UTRN: variants seen among roughly 807,000 people sequenced by gnomAD.
The protein encoded by UTRN is dystrophin-related protein 1.
In UTRN, 283 loss-of-function variants were observed where a neutral mutation model predicts 463.9. The ratio of observed to expected loss-of-function variants is 0.61; its 90% CI spans 0.55 to 0.67. The LOEUF (loss-of-function observed/expected upper bound fraction) is 0.67, where lower values mean the gene tolerates loss of function less well. UTRN is among the 30% of genes least tolerant of loss of function. The pLI is 0.00. For synonymous variants in UTRN, 1,442 were observed against 1,431.5 expected, an observed-to-expected ratio of 1.01 and a Z score of -0.17; for missense variants, 3,922 against 4,084.3, an observed-to-expected ratio of 0.96 and a Z score of 1.08.
chr6:144,565,760 G>A (rs1800348281), intron 50 of UTRN, among the ~76,000 whole-genome samples: 1 of 152,148 alleles, frequency 6.6e-6, no homozygotes, highest in African/African-American at 2.4e-5. Context: ...TTTGGAAAGA[G>A]CAATTTGGAG....
chr6:144,352,448 G>C (rs562969016), intron 2 of UTRN, among the ~76,000 whole-genome samples: 1 of 152,296 alleles, frequency 6.6e-6, no homozygotes, highest in Non-Finnish European at 1.5e-5. Context: ...GGTATTTAAA[G>C]AGGGAGGTTA....
intron 56 of UTRN, 54 bp from the exon 57 acceptor site, chr6:144,754,666 G>C: frequency 1.3e-6 from 2 of 1,563,980 alleles, no homozygotes; most frequent in Non-Finnish European, 1.7e-6. Flanking sequence ...TATTATTAAA[G>C]TTATTGTTTC....
At position 144,298,968 on chromosome 6, in the gene UTRN, A is replaced by G. The variant is rs918628872; in HGVS notation, c.79+7061A>G. Among the ~76,000 whole-genome samples, 7 of 152,212 alleles carry G rather than the reference A, an allele frequency of 4.6e-5. 1 individual carries two copies. Among genetic ancestry groups the G allele is most frequent in the Non-Finnish European group, 8.8e-5 (6 of 68,026 alleles). ...TCCATTCTCTAATTAAGATTTTGGT[A>G]TACAATATTTATATGCAAAAGATTT... On this transcript the variant is annotated intron_variant, in intron 2 of 74. Coordinates refer to ENST00000367545, the MANE Select transcript of UTRN (RefSeq NM_007124.3).
chr6:144,483,231 A>G (rs1792072119), intron 27 of UTRN, among the ~76,000 whole-genome samples: 8 of 152,172 alleles, frequency 5.3e-5, no homozygotes, highest in Admixed American at 5.2e-4. Context: ...AATATATATC[A>G]TTGAGGCAAG....
intron 2 of UTRN, among the ~76,000 whole-genome samples, chr6:144,310,657 A>T (rs112945119): frequency 0.019 from 2,884 of 151,992 alleles, 106 homozygotes; most frequent in African/African-American, 0.065. Context: ...GCGTGCCTGT[A>T]ATCCCAACTA....
At chr6:144,403,321 T>G in intron 3 of UTRN, 137 bp downstream of exon 3, 1 of 722,830 alleles carries the variant, frequency 1.4e-6, no homozygotes, top group Non-Finnish European at 2.4e-6. Context: ...ACATTTGTTG[T>G]TCCTTTATTC....
chr6:144,467,283 CTAGA>C (rs768108598), intron 23 of UTRN, among the ~76,000 whole-genome samples: 4 of 152,220 alleles, frequency 2.6e-5, no homozygotes, highest in Non-Finnish European at 5.9e-5. Context: ...ACACCCATAG[CTAGA>C]TAATCGTTCC....
chr6:144,792,674 A>T (rs909230024), intron 62 of UTRN, among the ~76,000 whole-genome samples: 8 of 152,264 alleles, frequency 5.3e-5, no homozygotes, highest in African/African-American at 1.9e-4. Flanking sequence ...TCACATGAAG[A>T]GCATTTAGAT....
chr6:144,395,242 C>G (rs954703741), intron 2 of UTRN, among the ~76,000 whole-genome samples: 2 of 152,050 alleles, frequency 1.3e-5, no homozygotes, highest in East Asian at 3.9e-4. Context: ...CCTCCTTGTT[C>G]TATGACATTT....
At chr6:144,778,054 C>T (rs1562897216) in intron 60 of UTRN, among the ~76,000 whole-genome samples, 1 of 152,180 alleles carries the variant, frequency 6.6e-6, no homozygotes, top group East Asian at 1.9e-4. Flanking sequence ...AGCCATGAGG[C>T]ATTTTCTGTA....
intron 51 of UTRN, among the ~76,000 whole-genome samples, chr6:144,631,647 A>G (rs1776537062): frequency 6.6e-6 from 1 of 152,202 alleles, no homozygotes; most frequent in South Asian, 2.1e-4. Context: ...TCATTTCAAA[A>G]GAGCGTAGAA....
intron 1 of UTRN, among the ~76,000 whole-genome samples, chr6:144,290,490 A>G (rs1220912028): frequency 6.6e-6 from 1 of 152,184 alleles, no homozygotes; most frequent in African/African-American, 2.4e-5. Flanking sequence ...TATTGTGTAG[A>G]TGATGTGGTG....
At chr6:144,429,938 T>A (rs1382017723) in intron 9 of UTRN, among the ~76,000 whole-genome samples, 197 bp downstream of exon 9, 1 of 152,174 alleles carries the variant, frequency 6.6e-6, no homozygotes, top group Non-Finnish European at 1.5e-5. Flanking sequence ...CTCAATGGAC[T>A]TTATTAAGAA....
At chr6:144,484,586 G>A (rs953021755) in intron 27 of UTRN, among the ~76,000 whole-genome samples, 3 of 151,580 alleles carry the variant, frequency 2.0e-5, no homozygotes, top group Admixed American at 2.0e-4. Flanking sequence ...GGGATTACAG[G>A]TGCCTGCCAC....
intron 58 of UTRN, among the ~76,000 whole-genome samples, chr6:144,764,960 A>G (rs1351857005): frequency 1.3e-5 from 2 of 149,908 alleles, no homozygotes; most frequent in Non-Finnish European, 3.0e-5. Flanking sequence ...AAGGCTCCCC[A>G]GGGCCAATGC....
Position 144,554,768 on chromosome 6 carries a change from G to T in UTRN, c.7009G>T (p.Asp2337Tyr), listed in dbSNP as rs1799232261. 1 of 1,613,970 alleles carries T rather than the reference G, an allele frequency of 6.2e-7. No individual in the cohort carries two copies. Among genetic ancestry groups the T allele is most frequent in the African/African-American group, 1.3e-5 (1 of 75,000 alleles). ...RQQQLEDMII[D>Y]SLQWDDHREE... ...GCAGCAGCTTGAGGACATGATTATT[G>T]ACAGTCTTCAGTGGGATGACCATAG... The change falls in exon 49 of 75, where the codon GAC (aspartate) becomes TAC (tyrosine). Residue 2337 changes from aspartate to tyrosine, a missense_variant. Asp to Tyr is a radical substitution (Grantham distance 160). This residue lies in a region of UTRN where 1,309 missense variants were observed against 1,452.6 expected (regional missense o/e 0.90). Transcript: ENST00000367545.
At position 144,852,381 on chromosome 6, in the gene UTRN, GT is replaced by G. The variant is rs1221873548; in HGVS notation, c.*1388del. ...AACCAAAAAAAGGTGAAAATAATATGTTTTGATTCAAACCTAAAGACATAAA... is the reference window on the plus strand; with the variant it reads ...AACCAAAAAAAGGTGAAAATAATATGTTTGATTCAAACCTAAAGACATAAA... On this transcript the variant is annotated 3_prime_UTR_variant, in exon 75 of 75. Coordinates refer to ENST00000367545, the MANE Select transcript of UTRN (RefSeq NM_007124.3). 6.6e-6 allele frequency: 1 copy of G among 152,162 alleles called. No homozygotes were observed. The highest frequency in any genetic ancestry group is 2.4e-5 in the African/African-American group (1 of 41,426). The allele number at this position is 152,162 out of a possible 1,614,324, so 9.4% of individuals were successfully genotyped here. A position where few individuals can be genotyped will look rare whatever the true frequency, so the allele number is the denominator to read the frequency against.
At chr6:144,821,968 C>T (rs895151015) in intron 66 of UTRN, among the ~76,000 whole-genome samples, 1 of 151,920 alleles carries the variant, frequency 6.6e-6, no homozygotes, top group Non-Finnish European at 1.5e-5. Context: ...AGAAGAGAAA[C>T]TCAAAAGTGT....
In UTRN at chr6:144,286,365, C is replaced by T. The variant is rs1001791381; in HGVS notation, c.-93+544C>T. Among the ~76,000 whole-genome samples, 14 of 152,056 alleles carry T rather than the reference C, an allele frequency of 9.2e-5. No homozygotes were observed. Among genetic ancestry groups the T allele is most frequent in the African/African-American group, 3.4e-4 (14 of 41,410 alleles). ...GCGGAGCGCTTCCCAGCCAGCCGCC[C>T]GGCGGGGAACGTGCTTGACCTCTGG... On this transcript the variant is annotated intron_variant, in intron 1 of 74. Transcript: ENST00000367545. The surrounding 1 kb of genome is among the most constrained non-coding windows in gnomAD (Gnocchi z 4.4).
Sources: gnomAD v4.1 joint callset for allele counts (sites outside exome capture counted in the v4.1 genomes callset) on GRCh38, gnomAD v4.1.1 for gene constraint, gnomAD v4.1.1 regional missense constraint, Gnocchi (gnomAD v3.1) non-coding constraint, MANE v1.5 for transcripts, NCBI Gene and HGNC (gene_info 2026-07-23, HGNC 2026-07-21) for gene names.